Variants in CNMD observed in about 807,000 individuals in gnomAD.
CNMD encodes chondromodulin, also known as leukocyte cell-derived chemotaxin 1.
In CNMD, 30 loss-of-function variants were observed where a neutral mutation model predicts 37.5. That is an observed-to-expected ratio of 0.80 (90% CI 0.60 to 1.09). The LOEUF is 1.09. Among genes scored for constraint, CNMD ranks in the 50% least tolerant of loss-of-function variants. The pLI, the probability that CNMD is intolerant of heterozygous loss-of-function variation, is 0.00. For missense variants in CNMD, 398 were observed against 423.9 expected, an observed-to-expected ratio of 0.94 and a Z score of 0.54; for synonymous variants, 167 against 148.2, an observed-to-expected ratio of 1.13 and a Z score of -0.92.
chr13:52,733,077 A>AT (rs1184961969), intron 3 of CNMD, 142 bp downstream of exon 3: 2 of 781,850 alleles, frequency 2.6e-6, no homozygotes, highest in Non-Finnish European at 4.4e-6. Context: ...AATATGCTAC[A>AT]TGTAGTGGAT....
intron 4 of CNMD, among the ~76,000 whole-genome samples, chr13:52,718,661 T>A (rs1444353359): frequency 6.6e-6 from 1 of 152,170 alleles, no homozygotes; most frequent in African/African-American, 2.4e-5. Context: ...TTTGAGTGAG[T>A]TTCTTAATCC....
At chr13:52,732,904 C>G (rs542427947) in intron 3 of CNMD, among the ~76,000 whole-genome samples, 2 of 152,224 alleles carry the variant, frequency 1.3e-5, no homozygotes, top group South Asian at 4.2e-4. Context: ...TAGGGACATA[C>G]CTTTAATTTC....
intron 3 of CNMD, among the ~76,000 whole-genome samples, chr13:52,725,067 C>T (rs1964550131): frequency 6.6e-6 from 1 of 152,196 alleles, no homozygotes; most frequent in Middle Eastern, 3.4e-3. Flanking sequence ...TTAGTTATTC[C>T]ATCTATATTC....
chr13:52,739,000 G>A (rs1964827578), intron 2 of CNMD, 31 bp downstream of exon 2: 2 of 1,540,284 alleles, frequency 1.3e-6, no homozygotes, highest in Admixed American at 2.1e-5. Flanking sequence ...GGGCGACACG[G>A]GGGTCCCCGC....
intron 6 of CNMD, among the ~76,000 whole-genome samples, chr13:52,705,328 A>G (rs1473874632): frequency 6.6e-6 from 1 of 152,176 alleles, no homozygotes; most frequent in African/African-American, 2.4e-5. Flanking sequence ...AAATAAGGAT[A>G]TTTTCCTAAA....
Position 52,730,488 on chromosome 13 carries a change from T to G in CNMD, c.354+2731A>C, listed in dbSNP as rs561031131. Among the ~76,000 whole-genome samples, 9 of 151,934 alleles carry G rather than the reference T, an allele frequency of 5.9e-5. No homozygotes were observed. The East Asian group carries it at 1.7e-3, about 29-fold the overall frequency. On this transcript the variant is annotated intron_variant, in intron 3 of 6. Coordinates refer to ENST00000377962, the MANE Select transcript of CNMD (RefSeq NM_007015.3). ...TCCACATCCTCTCCAGCACCTGTTG[T>G]TTCCTGACTTTTTAATGACTGCCAT...
rs1252674673 is a variant in CNMD, at chr13:52,703,563, T to C, written c.*32A>G. The C allele has an allele frequency of 1.3e-6, 2 of 1,485,108 alleles. No homozygotes were observed. The highest frequency in any genetic ancestry group is 9.4e-7 in the Non-Finnish European group (1 of 1,066,786). The allele number at this position is 1,485,108 out of a possible 1,614,324, so 92.0% of individuals were successfully genotyped here. A position where few individuals can be genotyped will look rare whatever the true frequency, so the allele number is the denominator to read the frequency against. ...CTTTGGTTGTCTCTTCAGCTAGTTC[T>C]TATTTTACAGCACATGATATATGAA... On this transcript the variant is annotated 3_prime_UTR_variant, in exon 7 of 7. Coordinates refer to ENST00000377962, the MANE Select transcript of CNMD (RefSeq NM_007015.3).
chr13:52,739,811 G>A lies in CNMD; in HGVS notation c.-110C>T, dbSNP rs1463892452. 6 of 899,324 alleles carry A rather than the reference G, an allele frequency of 6.7e-6. No homozygotes were observed. The African/African-American group carries it at 9.9e-5, about 15-fold the overall frequency. The allele number at this position is 899,324 out of a possible 1,614,324, so 55.7% of individuals were successfully genotyped here. A position where few individuals can be genotyped will look rare whatever the true frequency, so the allele number is the denominator to read the frequency against. On this transcript the variant is annotated 5_prime_UTR_variant, in exon 1 of 7. Transcript: ENST00000377962. This position sits in a 1 kb window ranked among gnomAD's most constrained non-coding sequence, Gnocchi z 5.4. ...AACGCCGCGCGCACACACGGTGCACGGTCCCGCCTGGGCCAGCCCAGCGGT... is the reference window on the plus strand; with the variant it reads ...AACGCCGCGCGCACACACGGTGCACAGTCCCGCCTGGGCCAGCCCAGCGGT...
At chr13:52,726,436 A>G (rs1200797998) in intron 3 of CNMD, among the ~76,000 whole-genome samples, 1 of 152,132 alleles carries the variant, frequency 6.6e-6, no homozygotes, top group East Asian at 1.9e-4. Flanking sequence ...GCAAAACTTC[A>G]GAACAGTCTT....
chr13:52,709,612 G>A (rs557843834), intron 5 of CNMD, among the ~76,000 whole-genome samples: 8 of 152,170 alleles, frequency 5.3e-5, no homozygotes, highest in African/African-American at 1.2e-4. Context: ...TGCCCAGTGC[G>A]AACTCCCTGG....
At chr13:52,719,030 A>G (rs1489427605) in intron 4 of CNMD, among the ~76,000 whole-genome samples, 1 of 152,156 alleles carries the variant, frequency 6.6e-6, no homozygotes, top group African/African-American at 2.4e-5. Flanking sequence ...GTGCATATAT[A>G]TTTAGGATAG....
At chr13:52,730,689 T>A (rs113855564) in intron 3 of CNMD, among the ~76,000 whole-genome samples, 7 of 152,208 alleles carry the variant, frequency 4.6e-5, no homozygotes, top group Admixed American at 2.0e-4. Context: ...TTTCTAAGGC[T>A]TTTTGTTATA....
At chr13:52,708,846 A>G in intron 5 of CNMD, 144 bp from the exon 6 acceptor site, 1 of 629,244 alleles carries the variant, frequency 1.6e-6, no homozygotes, top group Non-Finnish European at 2.7e-6. Context: ...TGATGTTTGT[A>G]GTAATAAAAC....
At chr13:52,721,390 C>T (rs936617946) in intron 4 of CNMD, among the ~76,000 whole-genome samples, 1 of 152,206 alleles carries the variant, frequency 6.6e-6, no homozygotes, top group African/African-American at 2.4e-5. Context: ...TCCCAAATGG[C>T]CACCCAGTTG....
In CNMD at chr13:52,739,564, C is replaced by T. The variant is rs147722993; in HGVS notation, c.72+66G>A. The T allele has an allele frequency of 2.8e-5, 41 of 1,440,352 alleles. No individual in the cohort carries two copies. The highest frequency in any genetic ancestry group is 4.0e-5 in the Non-Finnish European group (41 of 1,023,280). 89.2% of individuals were successfully genotyped at this position (1,440,352 alleles called of 1,614,324 possible). A position where few individuals can be genotyped will look rare whatever the true frequency, so the allele number is the denominator to read the frequency against. The stretch of plus-strand genomic sequence containing the variant: ...CATTCGGTGGCACGCACCCCTGAGT[C>T]CGAACTGTGGAACCTGATACTCACA... On this transcript the variant is annotated intron_variant, in intron 1 of 6. Coordinates refer to ENST00000377962, the MANE Select transcript of CNMD (RefSeq NM_007015.3). The surrounding 1 kb of genome is among the most constrained non-coding windows in gnomAD (Gnocchi z 5.4).
chr13:52,709,035 G>A (rs1249478718), intron 5 of CNMD, among the ~76,000 whole-genome samples: 1 of 152,098 alleles, frequency 6.6e-6, no homozygotes, highest in Non-Finnish European at 1.5e-5. Context: ...CATTTCCCCA[G>A]CTTCCTTTGC....
At chr13:52,704,384 AG>A (rs1964140916) in intron 6 of CNMD, among the ~76,000 whole-genome samples, 1 of 152,232 alleles carries the variant, frequency 6.6e-6, no homozygotes, top group Non-Finnish European at 1.5e-5. Context: ...ATAGGGACAA[AG>A]GGGTCTCAGG....
chr13:52,720,878 T>C (rs1033543342), intron 4 of CNMD, among the ~76,000 whole-genome samples: 7 of 152,094 alleles, frequency 4.6e-5, no homozygotes, highest in African/African-American at 1.7e-4. Context: ...GCAGGGACGT[T>C]TAAGTCTGCT....
intron 5 of CNMD, among the ~76,000 whole-genome samples, chr13:52,711,545 A>G (rs1964290416): frequency 6.6e-6 from 1 of 152,190 alleles, no homozygotes. Flanking sequence ...TGTGCTGGGC[A>G]GCTACTGCCA....
Sources: gnomAD v4.1 joint callset for allele counts (sites outside exome capture counted in the v4.1 genomes callset) on GRCh38, gnomAD v4.1.1 for gene constraint, Gnocchi (gnomAD v3.1) non-coding constraint, MANE v1.5 for transcripts, NCBI Gene and HGNC (gene_info 2026-07-23, HGNC 2026-07-21) for gene names.